Variants in DNAH8 observed in about 807,000 individuals in gnomAD.
DNAH8 encodes the protein axonemal beta dynein heavy chain 8.
Under a neutral mutation model 562.1 loss-of-function variants are expected in DNAH8, and 382 were observed. That is an observed-to-expected ratio of 0.68 (90% confidence interval 0.63 to 0.74). The LOEUF is 0.74. DNAH8 is among the 30% of genes least tolerant of loss of function. The pLI is 0.00. For missense variants in DNAH8, 5,203 were observed against 5,620.4 expected, an observed-to-expected ratio of 0.93 and a Z score of 2.37; for synonymous variants, 1,881 against 1,919.4, an observed-to-expected ratio of 0.98 and a Z score of 0.52.
intron 21 of DNAH8, among the ~76,000 whole-genome samples, chr6:38,801,067 A>G (rs1770737742): frequency 6.6e-6 from 1 of 152,146 alleles, no homozygotes; most frequent in East Asian, 1.9e-4. Flanking sequence ...CTAATTTATC[A>G]ATTTTTTTCT....
intron 91 of DNAH8, among the ~76,000 whole-genome samples, chr6:39,020,966 C>T (rs1416126173): frequency 2.6e-5 from 4 of 152,138 alleles, no homozygotes; most frequent in African/African-American, 9.7e-5. Context: ...ATAAGTAGTG[C>T]TGCAATAAAC....
chr6:38,878,510 A>C (rs1281315643), intron 53 of DNAH8, among the ~76,000 whole-genome samples: 3 of 152,192 alleles, frequency 2.0e-5, no homozygotes, highest in Non-Finnish European at 4.4e-5. Flanking sequence ...GAACAGCAAC[A>C]GAAAAAAATC....
At chr6:38,905,344 G>A (rs1186280299) in intron 62 of DNAH8, among the ~76,000 whole-genome samples, 1 of 152,084 alleles carries the variant, frequency 6.6e-6, no homozygotes, top group Non-Finnish European at 1.5e-5. Flanking sequence ...ACATTTAACC[G>A]GAAACAGAGT....
At chr6:38,897,051 A>C (rs1779747393) in intron 60 of DNAH8, among the ~76,000 whole-genome samples, 1 of 152,064 alleles carries the variant, frequency 6.6e-6, no homozygotes, top group Non-Finnish European at 1.5e-5. Context: ...TTTTTAGTAG[A>C]GATGAGGTTT....
At chr6:38,719,909 C>G (rs1233668002) in intron 1 of DNAH8, among the ~76,000 whole-genome samples, 1 of 152,150 alleles carries the variant, frequency 6.6e-6, no homozygotes, top group Non-Finnish European at 1.5e-5. Flanking sequence ...GTTTCTTCTC[C>G]CTTACCACCA....
intron 87 of DNAH8, among the ~76,000 whole-genome samples, chr6:38,986,435 T>C (rs868037832): frequency 3.9e-5 from 6 of 152,078 alleles, no homozygotes; most frequent in African/African-American, 1.4e-4. Context: ...CTTAAATAGA[T>C]GCCCTCAGAG....
At chr6:38,800,743 C>T (rs574118158) in intron 21 of DNAH8, among the ~76,000 whole-genome samples, 1 of 152,146 alleles carries the variant, frequency 6.6e-6, no homozygotes, top group African/African-American at 2.4e-5. Flanking sequence ...GCTCAAACCC[C>T]TGACCTCGAA....
chr6:38,902,369 A>G (rs1561839634), intron 62 of DNAH8, among the ~76,000 whole-genome samples: 1 of 152,128 alleles, frequency 6.6e-6, no homozygotes. Flanking sequence ...GTGGATTAGA[A>G]TATTCCTCTG....
chr6:38,791,790 TG>T, intron 21 of DNAH8, 116 bp downstream of exon 21: 2 of 1,060,372 alleles, frequency 1.9e-6, no homozygotes, highest in African/African-American at 1.7e-5. Flanking sequence ...TTTTTTTTTT[TG>T]TTTTTTGTGA....
rs1391942837 is a variant in DNAH8 at position 38,737,975 on chromosome 6, GA to G, written c.1116+5del. On this transcript the variant is annotated splice_donor_region_variant and intron_variant, in intron 7 of 92. Transcript: ENST00000327475. ...TATGGTACAAACAGATCGAACAGGT[GA>G]ATTGACTCAAACAATTGCATCTGGA... 6.2e-7 allele frequency: 1 copy of G among 1,609,550 alleles called. No individual in the cohort carries two copies.
chr6:38,896,184 C>T lies in DNAH8; in HGVS notation c.8899C>T (p.Pro2967Ser). 1 of 1,613,932 alleles carries T rather than the reference C, an allele frequency of 6.2e-7. No homozygotes were observed. Residue 2967 changes from proline (P) to serine (S), a missense_variant, in exon 60 of 93, where the codon CCT becomes TCT. Pro to Ser is a moderately conservative substitution (Grantham distance 74). Coordinates refer to ENST00000327475, the MANE Select transcript of DNAH8 (RefSeq NM_001206927.2). The stretch of plus-strand genomic sequence containing the variant: ...GATGCCAGAACCAACTGGTGATGAA[C>T]CTGAAGACTCTGTGTTTGAAGTACC... ...REMPEPTGDEPEDSVFEVPKI... is the reference protein window; with the variant it reads ...REMPEPTGDESEDSVFEVPKI...
At chr6:38,893,538 C>T (rs1279347044) in intron 58 of DNAH8, among the ~76,000 whole-genome samples, 1 of 152,130 alleles carries the variant, frequency 6.6e-6, no homozygotes. Flanking sequence ...AACCTTACCG[C>T]TTTGAGTATT....
chr6:39,004,587 A>T (rs1765686301), intron 88 of DNAH8, among the ~76,000 whole-genome samples: 1 of 152,170 alleles, frequency 6.6e-6, no homozygotes, highest in Non-Finnish European at 1.5e-5. Flanking sequence ...AAATTATCTC[A>T]TTTCAAGTGG....
chr6:38,797,018 A>G (rs983744717), intron 21 of DNAH8, among the ~76,000 whole-genome samples: 1 of 152,234 alleles, frequency 6.6e-6, no homozygotes. Flanking sequence ...AGATCTACCA[A>G]TGGAATAGAA....
At chr6:38,906,451 A>G in intron 63 of DNAH8, 44 bp downstream of exon 63, 1 of 1,416,352 alleles carries the variant, frequency 7.1e-7, no homozygotes, top group Non-Finnish European at 9.4e-7. Flanking sequence ...GTAAAAATAT[A>G]AATTATATTG....
At chr6:38,821,133 T>G (rs567139150) in intron 26 of DNAH8, among the ~76,000 whole-genome samples, 18 of 152,252 alleles carry the variant, frequency 1.2e-4, no homozygotes, top group Admixed American at 8.5e-4. Context: ...CCATTAGAAC[T>G]AATAAATGAA....
At chr6:38,937,354 T>A (rs1783055035) in intron 77 of DNAH8, among the ~76,000 whole-genome samples, 1 of 148,662 alleles carries the variant, frequency 6.7e-6, no homozygotes, top group Non-Finnish European at 1.5e-5. Context: ...TAAAGTATAA[T>A]AAAAAAAAAA....
chr6:38,935,752 T>G, intron 77 of DNAH8, 55 bp downstream of exon 77: 1 of 1,314,950 alleles, frequency 7.6e-7, no homozygotes, highest in Non-Finnish European at 1.1e-6. Context: ...GGATTTCATT[T>G]ACACTCTTTT....
rs749091702 is a variant in DNAH8, at chr6:38,862,260, T to C, written c.6132-20T>C. 1 of 1,605,716 alleles carries C rather than the reference T, an allele frequency of 6.2e-7. No individual in the cohort carries two copies. The highest frequency in any genetic ancestry group is 8.5e-7 in the Non-Finnish European group (1 of 1,176,042). ...GTGTCATCCCATACTCACAATGCTTTATTGGATGAACATTTGCAGATGCTA... is the reference window on the plus strand; with the variant it reads ...GTGTCATCCCATACTCACAATGCTTCATTGGATGAACATTTGCAGATGCTA... On this transcript the variant is annotated intron_variant, in intron 43 of 92. Coordinates refer to ENST00000327475, the MANE Select transcript of DNAH8 (RefSeq NM_001206927.2).
Sources: allele counts gnomAD v4.1 joint callset (sites outside exome capture counted in the v4.1 genomes callset), GRCh38; gene constraint gnomAD v4.1.1; transcripts MANE v1.5; gene names NCBI Gene and HGNC (gene_info 2026-07-23, HGNC 2026-07-21).